Variants in SMAD1 observed in about 807,000 individuals in gnomAD.
SMAD1 encodes MAD, mothers against decapentaplegic homolog 1.
Under a neutral mutation model 41.6 loss-of-function variants are expected in SMAD1, and 6 were observed. The ratio of observed to expected loss-of-function variants is 0.14; its 90% CI spans 0.08 to 0.28. SMAD1 has a LOEUF of 0.28. SMAD1 is among the 10% of genes least tolerant of loss of function. The probability of loss-of-function intolerance (pLI) is 1.00; values close to 1 mark genes in which losing one functional copy is unlikely to be tolerated. For synonymous variants in SMAD1, 206 were observed against 203.2 expected (o/e 1.01, Z -0.12); for missense variants, 379 against 582.6 (o/e 0.65, Z 3.60).
rs1344371768 is a variant in SMAD1 at position 145,546,864 on chromosome 4, C to G, written c.937C>G (p.Leu313Val). ...SNNKNRFCLG[L>V]LSNVNRNSTI... ...CAATAAGAACCGTTTCTGCCTTGGG[C>G]TGCTCTCCAATGTTAACCGGAATTC... is the stretch of plus-strand genomic sequence containing the variant. Residue 313 changes from leucine (L) to valine (V), a missense_variant, in exon 5 of 7, where the codon CTG becomes GTG. Coordinates refer to ENST00000302085, the MANE Select transcript of SMAD1 (RefSeq NM_005900.3). The G allele has an allele frequency of 2.5e-6, 4 of 1,614,062 alleles. No individual in the cohort carries two copies. The highest frequency in any genetic ancestry group is 3.4e-6 in the Non-Finnish European group (4 of 1,180,010).
Position 145,540,057 on chromosome 4 carries a change from G to T in SMAD1, c.654G>T (p.Met218Ile), listed in dbSNP as rs765870228. ...CAGACCCAGGAAGCCCTTTCCAGAT[G>T]CCAGGTAGGTTGGAATGTTCAGTGA... ...TSSDPGSPFQ[M>I]PADTPPPAYL... The change falls in exon 3 of 7, where the codon ATG becomes ATT. Residue 218 changes from methionine to isoleucine, a missense_variant. This residue lies in a region of SMAD1 where 208 missense variants were observed against 210.5 expected (regional missense o/e 0.99). Coordinates refer to ENST00000302085, the MANE Select transcript of SMAD1 (RefSeq NM_005900.3). 1.3e-5 allele frequency: 21 copies of T among 1,613,914 alleles called. No homozygotes were observed. The South Asian group carries it at 2.0e-4, about 15-fold the overall frequency.
At chr4:145,491,136 A>G (rs2126938945) in intron 1 of SMAD1, among the ~76,000 whole-genome samples, 1 of 152,350 alleles carries the variant, frequency 6.6e-6, no homozygotes, top group South Asian at 2.1e-4. Flanking sequence ...AAACATACTC[A>G]AAAACAAAAC....
chr4:145,537,355 G>A (rs966191647), intron 2 of SMAD1, among the ~76,000 whole-genome samples: 27 of 152,170 alleles, frequency 1.8e-4, no homozygotes, highest in African/African-American at 6.5e-4. Context: ...GTGTATTTGT[G>A]TTCTAGGGCT....
At chr4:145,524,887 A>G (rs985465060) in intron 2 of SMAD1, among the ~76,000 whole-genome samples, 1 of 152,236 alleles carries the variant, frequency 6.6e-6, no homozygotes, top group Non-Finnish European at 1.5e-5. Flanking sequence ...AAACCAGGCC[A>G]ATGTTTCCAA....
chr4:145,521,494 A>G (rs952669332), intron 2 of SMAD1, among the ~76,000 whole-genome samples: 1 of 152,194 alleles, frequency 6.6e-6, no homozygotes, highest in Non-Finnish European at 1.5e-5. Context: ...GATGGCTGCC[A>G]GCTGTTTAAA....
rs776049532 is a variant in SMAD1 at position 145,539,758 on chromosome 4, A to T, written c.401-46A>T. 3.1e-6 allele frequency: 5 copies of T among 1,587,572 alleles called. No homozygotes were observed. The African/African-American group carries it at 5.4e-5, about 17-fold the overall frequency. On this transcript the variant is annotated intron_variant, in intron 2 of 6. Transcript: ENST00000302085. ...CTTTATTGTGATGTAATTATAGATC[A>T]TAATTCTCATGTTTGTCCTTCTCTT...
chr4:145,494,526 C>T (rs1211962264), intron 1 of SMAD1, among the ~76,000 whole-genome samples: 1 of 152,168 alleles, frequency 6.6e-6, no homozygotes, highest in Non-Finnish European at 1.5e-5. Flanking sequence ...GATCTTTGTG[C>T]TCGCACAGTG....
chr4:145,500,140 A>G (rs999978502), intron 1 of SMAD1, among the ~76,000 whole-genome samples: 1 of 152,116 alleles, frequency 6.6e-6, no homozygotes, highest in Non-Finnish European at 1.5e-5. Context: ...TACCTTAACA[A>G]TTGCCATAGC....
chr4:145,502,336 C>T (rs1353965416), intron 1 of SMAD1, among the ~76,000 whole-genome samples: 1 of 152,094 alleles, frequency 6.6e-6, no homozygotes, highest in Non-Finnish European at 1.5e-5. Context: ...AATGGGGGTT[C>T]AATGGGATTA....
chr4:145,534,334 G>A (rs1396302807), intron 2 of SMAD1, among the ~76,000 whole-genome samples: 1 of 152,190 alleles, frequency 6.6e-6, no homozygotes, highest in Non-Finnish European at 1.5e-5. Flanking sequence ...GGGCATTTCA[G>A]CATCATCAAG....
chr4:145,539,093 G>A (rs1731779914), intron 2 of SMAD1, among the ~76,000 whole-genome samples: 1 of 152,138 alleles, frequency 6.6e-6, no homozygotes, highest in African/African-American at 2.4e-5. Context: ...AGCAAAATGT[G>A]AATTGTATGA....
chr4:145,488,222 A>G (rs1022836225), intron 1 of SMAD1, among the ~76,000 whole-genome samples: 14 of 152,120 alleles, frequency 9.2e-5, no homozygotes, highest in South Asian at 2.1e-4. Context: ...AGAACATACA[A>G]TTGTTAATTA....
chr4:145,532,326 G>A (rs964686192), intron 2 of SMAD1, among the ~76,000 whole-genome samples: 2 of 152,166 alleles, frequency 1.3e-5, no homozygotes, highest in African/African-American at 4.8e-5. Context: ...GAGAGAAAAG[G>A]AAAAGAGATC....
At chr4:145,552,258 T>C (rs1357930321) in intron 5 of SMAD1, among the ~76,000 whole-genome samples, 2 of 152,260 alleles carry the variant, frequency 1.3e-5, no homozygotes, top group Non-Finnish European at 2.9e-5. Flanking sequence ...AATGGCCTTC[T>C]GCTCTAGCAG....
At chr4:145,516,962 G>A (rs963662361) in intron 2 of SMAD1, 2 of 152,118 alleles carry the variant, frequency 1.3e-5, no homozygotes, top group African/African-American at 4.8e-5. Context: ...CTATTTAAAA[G>A]ACACTATGAA....
At chr4:145,547,575 C>A (rs1732317715) in intron 5 of SMAD1, among the ~76,000 whole-genome samples, 1 of 152,126 alleles carries the variant, frequency 6.6e-6, no homozygotes, top group African/African-American at 2.4e-5. Flanking sequence ...TCAAATAAAT[C>A]CCGAACTCTT....
chr4:145,514,402 A>G lies in SMAD1; in HGVS notation c.-176-36A>G, dbSNP rs564384666. On this transcript the variant is annotated intron_variant, in intron 1 of 6. Coordinates refer to ENST00000302085, the MANE Select transcript of SMAD1 (RefSeq NM_005900.3). This position sits in a 1 kb window ranked among gnomAD's most constrained non-coding sequence, Gnocchi z 4.7. ...TACTTAATAAATGTGGTTGTATGGT[A>G]AAGATGATTCTAACCATTCTTTTTT... The G allele has an allele frequency of 5.9e-6, 3 of 504,504 alleles. No individual in the cohort carries two copies. Among genetic ancestry groups the G allele is most frequent in the Non-Finnish European group, 1.0e-5 (3 of 289,332 alleles). 31.3% of individuals were successfully genotyped at this position (504,504 alleles called of 1,614,324 possible).
upstream of SMAD1, chr4:145,481,750 C>G: frequency 1.1e-5 from 2 of 180,366 alleles, no homozygotes; most frequent in South Asian, 2.0e-4. Context: ...CGCGGGTGAG[C>G]GGGTGAGCGT....
Position 145,549,727 on chromosome 4 carries a change from TAA to T in SMAD1, c.997+2805_997+2806del, listed in dbSNP as rs565599240. Among the ~76,000 whole-genome samples the T allele has an allele frequency of 2.5e-4, 38 of 152,342 alleles. No individual in the cohort carries two copies. In the East Asian group the frequency reaches 6.7e-3, roughly 27 times the overall value. ...TTAGATGCTTTAAAAGCACTCAAGA[TAA>T]AGTGTAACATTTAATCCTGAGGGGA... On this transcript the variant is annotated intron_variant, in intron 5 of 6. Coordinates refer to ENST00000302085, the MANE Select transcript of SMAD1 (RefSeq NM_005900.3).
Sources: allele counts gnomAD v4.1 joint callset (sites outside exome capture counted in the v4.1 genomes callset), GRCh38; gene constraint gnomAD v4.1.1; regional missense constraint gnomAD v4.1.1; non-coding constraint Gnocchi (gnomAD v3.1); transcripts MANE v1.5; gene names NCBI Gene and HGNC (gene_info 2026-07-23, HGNC 2026-07-21).